The following VGLL4 variants were observed in gnomAD, a reference collection of about 807,000 sequenced individuals.
VGLL4 encodes transcription cofactor vestigial-like protein 4.
A neutral mutation model predicts 21.0 loss-of-function variants in VGLL4; 7 were observed. The ratio of observed to expected loss-of-function variants is 0.33; its 90% CI spans 0.19 to 0.63. The LOEUF (loss-of-function observed/expected upper bound fraction) is 0.63, where lower values mean the gene tolerates loss of function less well. VGLL4 is among the 20% of genes least tolerant of loss of function. The pLI is 0.78. For synonymous variants in VGLL4, 222 were observed against 173.2 expected, an observed-to-expected ratio of 1.28 and a Z score of -2.21; for missense variants, 394 against 425.7, an observed-to-expected ratio of 0.93 and a Z score of 0.66.
intron 1 of VGLL4, among the ~76,000 whole-genome samples, chr3:11,609,992 C>G (rs56895683): frequency 2.6e-5 from 4 of 152,144 alleles, no homozygotes; most frequent in South Asian, 4.2e-4. Context: ...TAAGGCTTTA[C>G]GTTCAGCCCC....
chr3:11,627,228 A>ACTCTCTCTCTCTCTCTCTCTCTCT (rs1412462202), intron 1 of VGLL4: 4 of 123,422 alleles, frequency 3.2e-5, no homozygotes, highest in African/African-American at 1.6e-4. Context: ...ACACACACAC[A>ACTCTCTCTCTCTCTCTCTCTCTCT]CACTCTCTCT....
chr3:11,665,437 G>T (rs951922989), intron 2 of VGLL4, among the ~76,000 whole-genome samples: 1 of 152,156 alleles, frequency 6.6e-6, no homozygotes, highest in Admixed American at 6.5e-5. Flanking sequence ...ACTCTAAAAA[G>T]TCCCCCATAT....
chr3:11,698,327 G>A (rs2076632414), intron 2 of VGLL4, among the ~76,000 whole-genome samples: 1 of 152,128 alleles, frequency 6.6e-6, no homozygotes, highest in African/African-American at 2.4e-5. Context: ...TGGGCAACAT[G>A]GTGAAACCCC....
chr3:11,567,454 C>T (rs763141186), intron 2 of VGLL4, among the ~76,000 whole-genome samples: 22 of 152,144 alleles, frequency 1.4e-4, no homozygotes, highest in Admixed American at 3.9e-4. Context: ...AAATGTTCAG[C>T]CCATTAAGAC....
rs541388227 is a variant in VGLL4, at chr3:11,713,536, T to TA, written c.-14+6857dup. Among the ~76,000 whole-genome samples, 840 of 145,738 alleles carry TA rather than the reference T, an allele frequency of 5.8e-3. 10 individuals carry two copies. The highest frequency in any genetic ancestry group is 0.021 in the African/African-American group (814 of 39,242). ...ACAATATATCTTCATGTTCTATATC[T>TA]ACCTCCTGAGAACTGTGTGTATATA... On this transcript the variant is annotated intron_variant, in intron 1 of 5. Transcript: ENST00000273038.
intron 2 of VGLL4, among the ~76,000 whole-genome samples, chr3:11,592,957 AG>A (rs1322841963): frequency 1.3e-5 from 2 of 152,238 alleles, no homozygotes; most frequent in Admixed American, 6.5e-5. Context: ...GCTGAGAATC[AG>A]GACCTATCAT....
intron 1 of VGLL4, among the ~76,000 whole-genome samples, chr3:11,624,429 G>A (rs1025233225): frequency 6.6e-5 from 10 of 152,096 alleles, no homozygotes; most frequent in African/African-American, 1.2e-4. Context: ...GATTTAGGCC[G>A]TCCTGGTTAC....
intron 1 of VGLL4, among the ~76,000 whole-genome samples, chr3:11,608,802 T>C (rs1296622917): frequency 1.3e-5 from 2 of 152,186 alleles, no homozygotes; most frequent in African/African-American, 4.8e-5. Flanking sequence ...CAGTGGTACA[T>C]AAAATAATGA....
intron 1 of VGLL4, chr3:11,633,371 C>T (rs1269133191): frequency 6.6e-6 from 1 of 152,202 alleles, no homozygotes; most frequent in Non-Finnish European, 1.5e-5. Flanking sequence ...CTAATCCCTC[C>T]AAGAAGGCAG....
intron 1 of VGLL4, among the ~76,000 whole-genome samples, chr3:11,617,084 T>A (rs1253218393): frequency 6.6e-6 from 1 of 152,170 alleles, no homozygotes; most frequent in Non-Finnish European, 1.5e-5. Flanking sequence ...GCACTTTTTA[T>A]TTTTTTAAAA....
At chr3:11,705,372 CAG>C (rs1431561125) in intron 1 of VGLL4, among the ~76,000 whole-genome samples, 13 of 152,242 alleles carry the variant, frequency 8.5e-5, no homozygotes, top group African/African-American at 3.1e-4. Context: ...GCTTGGCAGG[CAG>C]AGAGAGGAGG....
chr3:11,612,288 C>A (rs915754304), intron 1 of VGLL4: 10 of 151,962 alleles, frequency 6.6e-5, no homozygotes, highest in Non-Finnish European at 1.5e-5. Flanking sequence ...CTCATTTACC[C>A]TGTTGGATTT....
At chr3:11,600,836 T>G (rs2074776501) in intron 2 of VGLL4, among the ~76,000 whole-genome samples, 1 of 152,034 alleles carries the variant, frequency 6.6e-6, no homozygotes. Flanking sequence ...AAACACTGAC[T>G]CATGCTAGAG....
intron 1 of VGLL4, among the ~76,000 whole-genome samples, chr3:11,709,617 A>AT (rs1297431411): frequency 1.3e-5 from 2 of 151,324 alleles, no homozygotes; most frequent in East Asian, 3.9e-4. Context: ...ATGGTCATAT[A>AT]TTTTCTCTGC....
chr3:11,710,310 C>T (rs2076824151), intron 1 of VGLL4, among the ~76,000 whole-genome samples: 1 of 152,266 alleles, frequency 6.6e-6, no homozygotes, highest in East Asian at 1.9e-4. Flanking sequence ...GTTTTTCAAG[C>T]AATGGAACAC....
intron 2 of VGLL4, among the ~76,000 whole-genome samples, chr3:11,698,536 G>A (rs905254183): frequency 6.6e-6 from 1 of 152,104 alleles, no homozygotes; most frequent in African/African-American, 2.4e-5. Flanking sequence ...AAAAAAGCTG[G>A]GACTTCCCAG....
intron 2 of VGLL4, among the ~76,000 whole-genome samples, chr3:11,595,034 G>A (rs2574727): frequency 0.067 from 10,140 of 152,218 alleles, 470 homozygotes; most frequent in South Asian, 0.16. Flanking sequence ...GGTGGCGCAT[G>A]CCTATAATCC....
chr3:11,561,856 A>C (rs1224995387), intron 3 of VGLL4, among the ~76,000 whole-genome samples: 1 of 138,606 alleles, frequency 7.2e-6, no homozygotes, highest in Non-Finnish European at 1.5e-5. Flanking sequence ...CACCTCTCCT[A>C]TCTGAAAGCA....
At chr3:11,613,859 CCTT>C (rs1006875251) in intron 1 of VGLL4, among the ~76,000 whole-genome samples, 2 of 152,170 alleles carry the variant, frequency 1.3e-5, no homozygotes, top group African/African-American at 4.8e-5. Context: ...CTCTAACTGT[CCTT>C]CTCGCTACTC....
Sources: gnomAD v4.1 joint callset for allele counts (sites outside exome capture counted in the v4.1 genomes callset) on GRCh38, gnomAD v4.1.1 for gene constraint, MANE v1.5 for transcripts, NCBI Gene and HGNC (gene_info 2026-07-23, HGNC 2026-07-21) for gene names.